Variants in DCLK1 observed in about 807,000 individuals in gnomAD.
DCLK1 encodes the protein doublecortin like kinase 1, also known as serine/threonine-protein kinase DCLK1.
A neutral mutation model predicts 86.2 loss-of-function variants in DCLK1; 16 were observed. That is an observed-to-expected ratio of 0.19 (90% CI 0.13 to 0.28). The LOEUF is 0.28. Among genes scored for constraint, DCLK1 ranks in the 10% least tolerant of loss-of-function variants. The pLI is 1.00. For synonymous variants in DCLK1, 369 were observed against 370.5 expected, an observed-to-expected ratio of 1.00 and a Z score of 0.05; for missense variants, 590 against 940.2, an observed-to-expected ratio of 0.63 and a Z score of 4.87.
At chr13:36,087,217 C>T (rs1336807771) in intron 3 of DCLK1, among the ~76,000 whole-genome samples, 1 of 152,086 alleles carries the variant, frequency 6.6e-6, no homozygotes, top group Non-Finnish European at 1.5e-5. Context: ...TCTCTAATGA[C>T]CAGTGATGAT....
intron 3 of DCLK1, among the ~76,000 whole-genome samples, chr13:36,060,489 AAC>A (rs1883500476): frequency 6.6e-6 from 1 of 152,196 alleles, no homozygotes; most frequent in African/African-American, 2.4e-5. Flanking sequence ...ATGTTTATCA[AAC>A]ACAGACATTC....
chr13:36,119,091 T>G (rs1885891793), intron 2 of DCLK1, among the ~76,000 whole-genome samples: 1 of 152,108 alleles, frequency 6.6e-6, no homozygotes. Context: ...TAATAAGAGC[T>G]GGAACATGAG....
At chr13:35,878,240 T>C (rs971706438) in intron 4 of DCLK1, among the ~76,000 whole-genome samples, 1 of 152,226 alleles carries the variant, frequency 6.6e-6, no homozygotes. Flanking sequence ...TATAGAAATG[T>C]TATGATTTTC....
At chr13:35,792,737 T>C (rs1282614238) in intron 16 of DCLK1, among the ~76,000 whole-genome samples, 1 of 152,208 alleles carries the variant, frequency 6.6e-6, no homozygotes, top group Admixed American at 6.5e-5. Flanking sequence ...AAATTGCATG[T>C]AGTGTATGTC....
chr13:35,901,276 C>T (rs984871038), intron 4 of DCLK1, among the ~76,000 whole-genome samples: 1 of 151,970 alleles, frequency 6.6e-6, no homozygotes, highest in African/African-American at 2.4e-5. Context: ...CACTTGAGGT[C>T]AGGAGTTCAA....
chr13:35,843,037 A>G (rs1869915292), intron 6 of DCLK1, among the ~76,000 whole-genome samples: 1 of 152,232 alleles, frequency 6.6e-6, no homozygotes, highest in African/African-American at 2.4e-5. Context: ...AATTAACTTA[A>G]TGAGATTAAC....
intron 16 of DCLK1, among the ~76,000 whole-genome samples, chr13:35,779,420 C>T (rs1326403840): frequency 6.6e-6 from 1 of 152,158 alleles, no homozygotes; most frequent in Non-Finnish European, 1.5e-5. Context: ...TTTGCATATT[C>T]CCCAAATACC....
chr13:36,065,696 A>G (rs1386690672), intron 3 of DCLK1, among the ~76,000 whole-genome samples: 1 of 150,996 alleles, frequency 6.6e-6, no homozygotes. Flanking sequence ...AAGGTCAGCT[A>G]GAGACTAAAG....
chr13:35,793,129 A>C (rs940151994), intron 16 of DCLK1, among the ~76,000 whole-genome samples: 3 of 152,178 alleles, frequency 2.0e-5, no homozygotes, highest in Admixed American at 2.0e-4. Context: ...TCATAAAATT[A>C]ATATATACTG....
At chr13:35,856,325 C>G (rs1216365985) in intron 5 of DCLK1, among the ~76,000 whole-genome samples, 1 of 152,044 alleles carries the variant, frequency 6.6e-6, no homozygotes, top group African/African-American at 2.4e-5. Context: ...GGAAGGGGCT[C>G]AGAAATAGAA....
chr13:35,933,046 TGGGAGAAATTGGCCAAAACAGAG>T, intron 4 of DCLK1, among the ~76,000 whole-genome samples: 1 of 152,132 alleles, frequency 6.6e-6, no homozygotes, highest in Non-Finnish European at 1.5e-5. Context: ...CAATTCCAAA[TGGGAGAAATTGGCCAAAACAGAG>T]GGGCAAGAGG....
At chr13:36,083,516 C>G (rs1884491016) in intron 3 of DCLK1, among the ~76,000 whole-genome samples, 1 of 152,114 alleles carries the variant, frequency 6.6e-6, no homozygotes, top group African/African-American at 2.4e-5. Context: ...TATTGGTGCC[C>G]ATACAATCAT....
At chr13:35,966,619 C>T (rs1414353260) in intron 3 of DCLK1, among the ~76,000 whole-genome samples, 1 of 151,732 alleles carries the variant, frequency 6.6e-6, no homozygotes, top group Non-Finnish European at 1.5e-5. Flanking sequence ...ATTCTCCTGC[C>T]TCAGCCTGCC....
At chr13:35,899,955 TA>T (rs931069393) in intron 4 of DCLK1, among the ~76,000 whole-genome samples, 13 of 152,202 alleles carry the variant, frequency 8.5e-5, no homozygotes, top group African/African-American at 3.1e-4. Context: ...CAATATAAAT[TA>T]AAGAAACCAA....
At chr13:35,936,962 C>CTTTTTTTTTGTTTTTTTTTTT (rs1876788091) in intron 4 of DCLK1, among the ~76,000 whole-genome samples, 1 of 65,712 alleles carries the variant, frequency 1.5e-5, no homozygotes. Flanking sequence ...GAAAAGTTAG[C>CTTTTTTTTTGTTTTTTTTTTT]TTTTTTTTTT....
chr13:35,846,964 C>T (rs570348745), intron 6 of DCLK1: 1 of 985,126 alleles, frequency 1.0e-6, no homozygotes, highest in Non-Finnish European at 1.2e-6. Context: ...ATCAAATATA[C>T]TCTGGATTTT....
At chr13:36,051,636 T>C (rs1380902904) in intron 3 of DCLK1, among the ~76,000 whole-genome samples, 5 of 152,178 alleles carry the variant, frequency 3.3e-5, no homozygotes, top group Non-Finnish European at 5.9e-5. Context: ...ATTCAGTCAC[T>C]AAATCTCATC....
intron 3 of DCLK1, among the ~76,000 whole-genome samples, chr13:36,027,358 C>T (rs1882088177): frequency 6.6e-6 from 1 of 152,234 alleles, no homozygotes. Context: ...GGAGCTCATG[C>T]AGTAATGCTT....
chr13:35,970,577 G>A (rs998350640), intron 3 of DCLK1, among the ~76,000 whole-genome samples: 4 of 152,034 alleles, frequency 2.6e-5, no homozygotes, highest in African/African-American at 4.8e-5. Flanking sequence ...TCTCTTTCTC[G>A]GCTCTTTGCT....
Sources: allele counts gnomAD v4.1 joint callset (sites outside exome capture counted in the v4.1 genomes callset), GRCh38; gene constraint gnomAD v4.1.1; transcripts MANE v1.5; gene names NCBI Gene and HGNC (gene_info 2026-07-23, HGNC 2026-07-21).